NOL4: variants seen among roughly 807,000 people sequenced by gnomAD.
The protein encoded by NOL4 is cancer/testis antigen 125.
Under a neutral mutation model 75.9 loss-of-function variants are expected in NOL4, and 17 were observed. The observed-to-expected ratio is 0.22, with a 90% confidence interval of 0.15 to 0.34. NOL4 has a LOEUF of 0.34. NOL4 is among the 10% of genes least tolerant of loss of function. The pLI is 1.00. For missense variants in NOL4, 614 were observed against 793.5 expected (o/e 0.77, Z 2.72); for synonymous variants, 292 against 289.9 (o/e 1.01, Z -0.07).
chr18:34,093,109 T>C (rs1413550709), intron 5 of NOL4, among the ~76,000 whole-genome samples: 6 of 152,196 alleles, frequency 3.9e-5, no homozygotes, highest in Non-Finnish European at 8.8e-5. Flanking sequence ...CATATTTAAA[T>C]GCTTAATTTA....
intron 8 of NOL4, among the ~76,000 whole-genome samples, chr18:33,955,764 C>T (rs1037178631): frequency 1.3e-5 from 2 of 152,060 alleles, no homozygotes; most frequent in African/African-American, 4.8e-5. Context: ...TAAACAATGA[C>T]CTTGACAATA....
At chr18:33,909,285 A>G (rs1013024799) in intron 9 of NOL4, among the ~76,000 whole-genome samples, 4 of 152,038 alleles carry the variant, frequency 2.6e-5, no homozygotes, top group Non-Finnish European at 5.9e-5. Flanking sequence ...GGAGTCTTTT[A>G]CTTTATCTGC....
intron 5 of NOL4, among the ~76,000 whole-genome samples, chr18:34,092,610 A>G (rs945578609): frequency 1.3e-5 from 2 of 152,322 alleles, no homozygotes; most frequent in Non-Finnish European, 2.9e-5. Context: ...AGTATCTATA[A>G]ATGTAAGTAC....
At chr18:33,972,176 A>AG (rs1451810228) in intron 6 of NOL4, among the ~76,000 whole-genome samples, 1 of 152,028 alleles carries the variant, frequency 6.6e-6, no homozygotes, top group African/African-American at 2.4e-5. Context: ...AAAAAAAAAA[A>AG]AATTTAAACA....
At chr18:33,859,607 G>A (rs1440002167) in intron 10 of NOL4, among the ~76,000 whole-genome samples, 2 of 152,002 alleles carry the variant, frequency 1.3e-5, no homozygotes, top group Non-Finnish European at 2.9e-5. Flanking sequence ...AGTTGTATCA[G>A]TCCATTCTTA....
chr18:33,957,506 C>G lies in NOL4; in HGVS notation c.1248G>C (p.Arg416Ser). 6.2e-7 allele frequency: 1 copy of G among 1,612,500 alleles called. No individual in the cohort carries two copies. Among genetic ancestry groups the G allele is most frequent in the Non-Finnish European group, 8.5e-7 (1 of 1,179,160 alleles). ...ERLKAFNMFV[R>S]LFVDENLDRM... ...GGTCCAAGTTTTCATCTACAAACAG[C>G]CTGACAAACATCTGTTGGCAAGAGG... Residue 416 changes from arginine to serine, a missense_variant, in exon 8 of 11, where the codon AGG (arginine) becomes AGC (serine). By Grantham distance (110) the Arg-to-Ser change is moderately radical. Coordinates refer to ENST00000261592, the MANE Select transcript of NOL4 (RefSeq NM_003787.5).
chr18:34,020,510 C>A (rs1008967480), intron 5 of NOL4, among the ~76,000 whole-genome samples: 1 of 152,002 alleles, frequency 6.6e-6, no homozygotes, highest in Non-Finnish European at 1.5e-5. Context: ...GAGTTTAATA[C>A]CTAAGAAGTT....
At chr18:34,187,370 CTTTTTTT>C (rs545524361) in intron 1 of NOL4, among the ~76,000 whole-genome samples, 5 of 78,350 alleles carry the variant, frequency 6.4e-5, no homozygotes, top group African/African-American at 1.2e-4. Flanking sequence ...TAGTCCACTT[CTTTTTTT>C]TTTTTTTTTT....
At chr18:33,853,163 A>C (rs2062694172) in intron 10 of NOL4, 128 bp from the exon 11 acceptor site, 1 of 753,774 alleles carries the variant, frequency 1.3e-6, no homozygotes, top group Non-Finnish European at 2.1e-6. Context: ...TGATCTCTTT[A>C]ATCAAATACA....
At chr18:34,060,178 A>G (rs2077013774) in intron 5 of NOL4, among the ~76,000 whole-genome samples, 1 of 151,942 alleles carries the variant, frequency 6.6e-6, no homozygotes, top group African/African-American at 2.4e-5. Flanking sequence ...GTCTCTGAAC[A>G]GCTTGAGAGT....
intron 1 of NOL4, among the ~76,000 whole-genome samples, chr18:34,206,630 G>A (rs147218956): frequency 7.9e-4 from 120 of 152,164 alleles, no homozygotes; most frequent in Non-Finnish European, 1.4e-3. Context: ...TACAAATAAC[G>A]TGTAATTTTC....
chr18:34,211,567 T>C (rs79617728), intron 1 of NOL4, among the ~76,000 whole-genome samples: 4,925 of 152,302 alleles, frequency 0.032, 158 homozygotes, highest in East Asian at 0.11. Flanking sequence ...TGTAGTTACA[T>C]CCAGTGAGAA....
intron 10 of NOL4, among the ~76,000 whole-genome samples, chr18:33,868,897 A>T (rs1412160457): frequency 1.3e-5 from 2 of 152,092 alleles, no homozygotes; most frequent in African/African-American, 4.8e-5. Flanking sequence ...TAGTATTATA[A>T]AAATCCAATA....
intron 5 of NOL4, among the ~76,000 whole-genome samples, chr18:34,020,471 A>C (rs759125079): frequency 6.6e-6 from 1 of 152,196 alleles, no homozygotes; most frequent in Non-Finnish European, 1.5e-5. Flanking sequence ...AAGTCCTCAT[A>C]AACTTTGTTC....
At chr18:34,007,770 T>C (rs2074119626) in intron 6 of NOL4, among the ~76,000 whole-genome samples, 1 of 152,178 alleles carries the variant, frequency 6.6e-6, no homozygotes, top group Non-Finnish European at 1.5e-5. Context: ...GGCATTAGTT[T>C]GTTTTCTGTT....
At chr18:33,862,118 T>C (rs1289831711) in intron 10 of NOL4, among the ~76,000 whole-genome samples, 1 of 152,032 alleles carries the variant, frequency 6.6e-6, no homozygotes, top group Non-Finnish European at 1.5e-5. Flanking sequence ...TAAAGCCACA[T>C]ATCTACAACT....
intron 6 of NOL4, among the ~76,000 whole-genome samples, chr18:34,014,127 T>C (rs1032971499): frequency 1.3e-5 from 2 of 151,916 alleles, no homozygotes; most frequent in African/African-American, 4.8e-5. Context: ...TTAATCATAT[T>C]TAAATGAAAT....
chr18:33,859,330 G>A (rs1399699101), intron 10 of NOL4, among the ~76,000 whole-genome samples: 10 of 152,010 alleles, frequency 6.6e-5, no homozygotes, highest in African/African-American at 1.9e-4. Context: ...TTATTTGGAT[G>A]TTTCCATTTG....
At chr18:33,910,356 G>GCCTTTTTAAAATCATTCT (rs2066324153) in intron 9 of NOL4, among the ~76,000 whole-genome samples, 3 of 152,132 alleles carry the variant, frequency 2.0e-5, no homozygotes, top group Non-Finnish European at 4.4e-5. Flanking sequence ...AGAGTCTAGT[G>GCCTTTTTAAAATCATTCT]TTTGAAAGAT....
Sources: gnomAD v4.1 joint callset for allele counts (sites outside exome capture counted in the v4.1 genomes callset) on GRCh38, gnomAD v4.1.1 for gene constraint, MANE v1.5 for transcripts, NCBI Gene and HGNC (gene_info 2026-07-23, HGNC 2026-07-21) for gene names.